Variants in PRDM5 observed in about 807,000 individuals in gnomAD.
PRDM5 encodes the protein PR/SET domain 5, also known as PR domain zinc finger protein 5.
Under a neutral mutation model 81.2 loss-of-function variants are expected in PRDM5, and 56 were observed. The observed-to-expected ratio is 0.69, with a 90% confidence interval of 0.56 to 0.86. The LOEUF (loss-of-function observed/expected upper bound fraction) is 0.86, where lower values mean the gene tolerates loss of function less well. PRDM5 is among the 40% of genes least tolerant of loss of function. The pLI, the probability that PRDM5 is intolerant of heterozygous loss-of-function variation, is 0.00. For synonymous variants in PRDM5, 267 were observed against 256.4 expected (o/e 1.04, Z -0.39); for missense variants, 697 against 770.1 (o/e 0.91, Z 1.12).
At chr4:120,767,973 A>G (rs373030813) in intron 13 of PRDM5, among the ~76,000 whole-genome samples, 2 of 152,282 alleles carry the variant, frequency 1.3e-5, no homozygotes, top group African/African-American at 4.8e-5. Flanking sequence ...CATGATTGTG[A>G]GGCCTCCCCA....
intron 7 of PRDM5, 75 bp downstream of exon 7, chr4:120,816,378 C>T (rs759531531): frequency 1.3e-4 from 205 of 1,610,448 alleles, no homozygotes; most frequent in Non-Finnish European, 1.5e-4. Context: ...TCCTCAAGAG[C>T]GAGAATTAAA....
chr4:120,903,132 T>C (rs1209841556), intron 2 of PRDM5, among the ~76,000 whole-genome samples: 1 of 152,238 alleles, frequency 6.6e-6, no homozygotes, highest in East Asian at 1.9e-4. Context: ...CTGGTTCATG[T>C]TCCATAACCA....
chr4:120,733,756 C>CA (rs1272089843), intron 14 of PRDM5, among the ~76,000 whole-genome samples: 1 of 151,302 alleles, frequency 6.6e-6, no homozygotes, highest in Non-Finnish European at 1.5e-5. Context: ...TCCATTTTTA[C>CA]AAAAAAGATA....
chr4:120,723,571 C>T (rs570318556), intron 14 of PRDM5, among the ~76,000 whole-genome samples: 3 of 150,746 alleles, frequency 2.0e-5, no homozygotes, highest in Admixed American at 1.3e-4. Context: ...ATGCAAACTT[C>T]GAAAAATCAA....
chr4:120,888,218 C>G (rs1409610863), intron 2 of PRDM5, among the ~76,000 whole-genome samples: 1 of 152,220 alleles, frequency 6.6e-6, no homozygotes, highest in Non-Finnish European at 1.5e-5. Flanking sequence ...AAAGTAAACA[C>G]AGCCATATAG....
intron 14 of PRDM5, 123 bp from the exon 15 acceptor site, chr4:120,710,536 A>C (rs1736814149): frequency 1.2e-6 from 1 of 810,196 alleles, no homozygotes; most frequent in South Asian, 1.4e-5. Flanking sequence ...GTATGCTGAT[A>C]TGGTTTGGCT....
chr4:120,782,311 A>C (rs3804169), intron 11 of PRDM5, among the ~76,000 whole-genome samples: 30,254 of 152,124 alleles, frequency 0.2, 3,658 homozygotes, highest in Non-Finnish European at 0.28. Context: ...CAAAATTAAG[A>C]ATAATTAAAT....
intron 15 of PRDM5, among the ~76,000 whole-genome samples, chr4:120,698,555 C>G (rs563258938): frequency 2.6e-5 from 4 of 152,244 alleles, no homozygotes; most frequent in African/African-American, 9.6e-5. Flanking sequence ...AGATCACTAG[C>G]AAGTAATATT....
At chr4:120,881,457 C>T (rs1762834349) in intron 2 of PRDM5, among the ~76,000 whole-genome samples, 1 of 152,062 alleles carries the variant, frequency 6.6e-6, no homozygotes, top group Non-Finnish European at 1.5e-5. Flanking sequence ...GAGTCTACTT[C>T]AAAAAACTAA....
intron 9 of PRDM5, 143 bp from the exon 10 acceptor site, chr4:120,798,567 A>T (rs949794215): frequency 9.0e-6 from 6 of 666,298 alleles, no homozygotes; most frequent in Non-Finnish European, 1.5e-5. Context: ...CCATCCACAT[A>T]ATAGACACAT....
chr4:120,751,293 A>T (rs887017596), intron 14 of PRDM5, among the ~76,000 whole-genome samples: 2 of 152,248 alleles, frequency 1.3e-5, no homozygotes, highest in African/African-American at 4.8e-5. Flanking sequence ...CAATAGGCAG[A>T]CTGAGCACAA....
At chr4:120,789,340 C>A (rs1440185547) in intron 10 of PRDM5, among the ~76,000 whole-genome samples, 1 of 152,076 alleles carries the variant, frequency 6.6e-6, no homozygotes, top group Non-Finnish European at 1.5e-5. Flanking sequence ...CCACACAGAT[C>A]AAATATTAAT....
chr4:120,858,092 G>C (rs771636419), intron 2 of PRDM5, among the ~76,000 whole-genome samples: 4 of 152,078 alleles, frequency 2.6e-5, no homozygotes, highest in Non-Finnish European at 5.9e-5. Flanking sequence ...TATCCTTAAT[G>C]AAAAATTACA....
At chr4:120,748,417 A>G (rs1743463656) in intron 14 of PRDM5, among the ~76,000 whole-genome samples, 1 of 152,098 alleles carries the variant, frequency 6.6e-6, no homozygotes, top group African/African-American at 2.4e-5. Context: ...GCTGAGACCA[A>G]AAGATCACCT....
At chr4:120,906,772 G>A (rs1051115724) in intron 2 of PRDM5, among the ~76,000 whole-genome samples, 2 of 152,138 alleles carry the variant, frequency 1.3e-5, no homozygotes, top group South Asian at 2.1e-4. Context: ...ATTTTAAGGC[G>A]GGATTTTTGT....
intron 14 of PRDM5, among the ~76,000 whole-genome samples, chr4:120,734,472 C>A (rs1740807303): frequency 6.6e-6 from 1 of 151,102 alleles, no homozygotes; most frequent in Non-Finnish European, 1.5e-5. Flanking sequence ...TTCAAACTAG[C>A]CTGGCAAACA....
intron 2 of PRDM5, among the ~76,000 whole-genome samples, chr4:120,863,191 T>TACACACAC (rs370387683): frequency 0.048 from 3,384 of 70,152 alleles, 170 homozygotes; most frequent in Middle Eastern, 0.066. Flanking sequence ...TATATATATA[T>TACACACAC]ACACACACAC....
chr4:120,818,255 TGC>T (rs1491228763), intron 5 of PRDM5, 96 bp downstream of exon 5: 2 of 1,166,942 alleles, frequency 1.7e-6, no homozygotes, highest in African/African-American at 1.5e-5. Flanking sequence ...CGTGCGCGCG[TGC>T]ACACACACAC....
chr4:120,865,918 T>A (rs868209674), intron 2 of PRDM5, among the ~76,000 whole-genome samples: 10 of 152,292 alleles, frequency 6.6e-5, no homozygotes, highest in African/African-American at 2.2e-4. Context: ...CTTTTCTTGT[T>A]AAGATGTCAA....
Sources: allele counts gnomAD v4.1 joint callset (sites outside exome capture counted in the v4.1 genomes callset), GRCh38; gene constraint gnomAD v4.1.1; transcripts MANE v1.5; gene names NCBI Gene and HGNC (gene_info 2026-07-23, HGNC 2026-07-21).